The following CTNNA3 variants were observed in gnomAD, a reference collection of about 807,000 sequenced individuals.
CTNNA3 encodes the protein catenin alpha 3, also known as catenin alpha-3.
In CTNNA3, 76 loss-of-function variants were observed where a neutral mutation model predicts 95.7. That is an observed-to-expected ratio of 0.79 (90% CI 0.66 to 0.96). The LOEUF (loss-of-function observed/expected upper bound fraction) is 0.96. Ranked by LOEUF, CTNNA3 falls within the 40% of genes least tolerant of loss-of-function variation. The probability of loss-of-function intolerance (pLI) is 0.00; values close to 1 mark genes in which losing one functional copy is unlikely to be tolerated. For missense variants in CTNNA3, 1,191 were observed against 1,089.8 expected (o/e 1.09, Z -1.31); for synonymous variants, 431 against 374.4 (o/e 1.15, Z -1.74).
intron 5 of CTNNA3, among the ~76,000 whole-genome samples, chr10:67,387,728 GCCT>G (rs961413860): frequency 1.8e-4 from 27 of 152,360 alleles, no homozygotes; most frequent in African/African-American, 6.3e-4. Flanking sequence ...CCAGCAGACT[GCCT>G]CCTCAAGTGG....
chr10:67,371,534 C>T (rs905088763), intron 5 of CTNNA3, among the ~76,000 whole-genome samples: 3 of 152,064 alleles, frequency 2.0e-5, no homozygotes, highest in African/African-American at 7.2e-5. Context: ...CCAGCATCAT[C>T]GATGTCCCTG....
chr10:66,274,747 C>G lies in CTNNA3; in HGVS notation c.1884+5723G>C, dbSNP rs376308586. Among the ~76,000 whole-genome samples the G allele has an allele frequency of 3.3e-5, 5 of 152,116 alleles. No individual in the cohort carries two copies. In the East Asian group the frequency reaches 9.7e-4, roughly 29 times the overall value. ...TGGCAAACGTATCCTCCAATGTAAC[C>G]ACCTCAAATGATCGGTTTTCATAAA... On this transcript the variant is annotated intron_variant, in intron 13 of 17. Coordinates refer to ENST00000433211, the MANE Select transcript of CTNNA3 (RefSeq NM_013266.4).
chr10:66,722,166 C>A (rs1025375118), intron 9 of CTNNA3, among the ~76,000 whole-genome samples: 3 of 152,062 alleles, frequency 2.0e-5, no homozygotes, highest in African/African-American at 7.2e-5. Flanking sequence ...ATCACGAGGT[C>A]AGGAGATCAA....
intron 5 of CTNNA3, among the ~76,000 whole-genome samples, chr10:67,286,447 T>C (rs1255690411): frequency 6.6e-6 from 1 of 152,228 alleles, no homozygotes; most frequent in African/African-American, 2.4e-5. Flanking sequence ...TTTCCTCCTA[T>C]GTAAAATGGA....
At chr10:66,474,252 A>C (rs551428749) in intron 11 of CTNNA3, among the ~76,000 whole-genome samples, 12 of 152,096 alleles carry the variant, frequency 7.9e-5, no homozygotes, top group African/African-American at 2.9e-4. Flanking sequence ...TCTGGCAAAC[A>C]CTATGTCTAT....
At chr10:66,156,234 C>G (rs962847815) in intron 13 of CTNNA3, among the ~76,000 whole-genome samples, 1 of 151,750 alleles carries the variant, frequency 6.6e-6, no homozygotes, top group African/African-American at 2.4e-5. Context: ...TGACCACAGG[C>G]CTAAAGAAGC....
chr10:66,603,495 T>C (rs1844006598), intron 10 of CTNNA3, among the ~76,000 whole-genome samples: 4 of 152,130 alleles, frequency 2.6e-5, no homozygotes, highest in East Asian at 1.9e-4. Context: ...ATTAATATTG[T>C]CAAAATGTGT....
intron 5 of CTNNA3, among the ~76,000 whole-genome samples, chr10:67,225,173 T>C (rs1864843270): frequency 6.6e-6 from 1 of 152,094 alleles, no homozygotes; most frequent in African/African-American, 2.4e-5. Context: ...CACAACTCCA[T>C]TGACCTGGGA....
intron 12 of CTNNA3, among the ~76,000 whole-genome samples, chr10:66,314,809 C>T (rs1226015624): frequency 6.6e-6 from 1 of 151,976 alleles, no homozygotes; most frequent in Non-Finnish European, 1.5e-5. Context: ...TTTAGCATCA[C>T]TTGGATAAAA....
At chr10:66,246,948 G>A (rs1426390811) in intron 13 of CTNNA3, among the ~76,000 whole-genome samples, 1 of 151,572 alleles carries the variant, frequency 6.6e-6, no homozygotes, top group East Asian at 2.0e-4. Flanking sequence ...AGTTACTCGG[G>A]AGGCTGAAGC....
upstream of CTNNA3, among the ~76,000 whole-genome samples, chr10:67,701,183 C>G (rs1215985900): frequency 6.6e-6 from 1 of 152,158 alleles, no homozygotes; most frequent in African/African-American, 2.4e-5. Context: ...AGAATGGAAC[C>G]AAGTTGGAAA....
intron 7 of CTNNA3, among the ~76,000 whole-genome samples, chr10:66,862,392 A>T (rs1843975014): frequency 6.6e-6 from 1 of 152,202 alleles, no homozygotes; most frequent in Non-Finnish European, 1.5e-5. Flanking sequence ...GATTTACTGT[A>T]TGTCAGATAA....
At position 65,914,948 on chromosome 10, in the gene CTNNA3, T is replaced by C. The variant is rs1333644336; in HGVS notation, c.*5382A>G. The C allele has an allele frequency of 2.6e-5, 4 of 152,196 alleles. No individual in the cohort carries two copies. Among genetic ancestry groups the C allele is most frequent in the African/African-American group, 7.2e-5 (3 of 41,448 alleles). 9.4% of individuals were successfully genotyped at this position (152,196 alleles called of 1,614,324 possible). A position where few individuals can be genotyped will look rare whatever the true frequency, so the allele number is the denominator to read the frequency against. On this transcript the variant is annotated 3_prime_UTR_variant, in exon 18 of 18. Transcript: ENST00000433211. ...CTTTGAGCAAGATTCTTATCCCATTTAACCCTCAGCTTCCTTGTCTGTGGA... is the reference window on the plus strand; with the variant it reads ...CTTTGAGCAAGATTCTTATCCCATTCAACCCTCAGCTTCCTTGTCTGTGGA...
intron 11 of CTNNA3, among the ~76,000 whole-genome samples, chr10:66,415,456 T>C (rs533449065): frequency 6.6e-6 from 1 of 152,098 alleles, no homozygotes; most frequent in Non-Finnish European, 1.5e-5. Flanking sequence ...GCCACTCGCA[T>C]TGCCTACGCC....
chr10:66,697,738 G>A (rs1249819326), intron 9 of CTNNA3, among the ~76,000 whole-genome samples: 1 of 152,014 alleles, frequency 6.6e-6, no homozygotes, highest in African/African-American at 2.4e-5. Flanking sequence ...AAAAAACATT[G>A]TCCTAAGACT....
rs183385137 is a variant in CTNNA3 at position 66,079,409 on chromosome 10, G to C, written c.1978-9920C>G. 10 of 152,022 alleles carry C rather than the reference G, an allele frequency of 6.6e-5. No homozygotes were observed. The East Asian group carries it at 1.9e-3, about 29-fold the overall frequency. 9.4% of individuals were successfully genotyped at this position (152,022 alleles called of 1,614,324 possible). On this transcript the variant is annotated intron_variant, in intron 14 of 17. Coordinates refer to ENST00000433211, the MANE Select transcript of CTNNA3 (RefSeq NM_013266.4). ...TGAATTTTATAATGACAAATTATATGAATAGTATAACAACTAAAGTAAGAT... is the reference window on the plus strand; with the variant it reads ...TGAATTTTATAATGACAAATTATATCAATAGTATAACAACTAAAGTAAGAT...
chr10:66,942,167 T>C (rs148757344), intron 7 of CTNNA3, among the ~76,000 whole-genome samples: 202 of 152,276 alleles, frequency 1.3e-3, no homozygotes, highest in African/African-American at 4.6e-3. Flanking sequence ...AAGTTAGTTT[T>C]CTCCTGTCGT....
At chr10:67,724,558 G>A (rs1000344128) in intron 1 of CTNNA3, among the ~76,000 whole-genome samples, 5 of 151,958 alleles carry the variant, frequency 3.3e-5, no homozygotes, top group African/African-American at 1.2e-4. Flanking sequence ...GATGATACAG[G>A]GAGCCCACAT....
chr10:66,596,225 C>G (rs1285754606), intron 10 of CTNNA3, among the ~76,000 whole-genome samples: 1 of 152,094 alleles, frequency 6.6e-6, no homozygotes, highest in African/African-American at 2.4e-5. Flanking sequence ...ATCCCACTGG[C>G]TGGTTCATGA....
Sources: allele counts gnomAD v4.1 joint callset (sites outside exome capture counted in the v4.1 genomes callset), GRCh38; gene constraint gnomAD v4.1.1; transcripts MANE v1.5; gene names NCBI Gene and HGNC (gene_info 2026-07-23, HGNC 2026-07-21).